The following TIAM1 variants were observed in gnomAD, a reference collection of about 807,000 sequenced individuals.
The protein encoded by TIAM1 is TIAM Rac1 associated GEF 1.
A neutral mutation model predicts 163.5 loss-of-function variants in TIAM1; 65 were observed. The ratio of observed to expected loss-of-function variants is 0.40; its 90% CI spans 0.33 to 0.49. The LOEUF (loss-of-function observed/expected upper bound fraction) is 0.49. TIAM1 is among the 20% of genes least tolerant of loss of function. TIAM1 has a pLI of 0.77. For synonymous variants in TIAM1, 833 were observed against 810.1 expected, an observed-to-expected ratio of 1.03 and a Z score of -0.48; for missense variants, 1,789 against 2,044.7, an observed-to-expected ratio of 0.87 and a Z score of 2.41.
chr21:31,151,933 T>C (rs1036161134), intron 19 of TIAM1, among the ~76,000 whole-genome samples: 2 of 152,076 alleles, frequency 1.3e-5, no homozygotes, highest in African/African-American at 2.4e-5. Context: ...GAAGATTGTC[T>C]TTCCCCTGGA....
chr21:31,184,466 G>C (rs73191665), intron 14 of TIAM1, among the ~76,000 whole-genome samples: 4 of 152,126 alleles, frequency 2.6e-5, no homozygotes, highest in Admixed American at 6.5e-5. Flanking sequence ...GCCAGGTGTT[G>C]GGATCGTGTT....
In TIAM1 at chr21:31,266,223, C is replaced by G. The variant is rs545520373; in HGVS notation, c.750G>C (p.Gly250=). The G allele has an allele frequency of 8.7e-6, 14 of 1,614,164 alleles. No homozygotes were observed. The African/African-American group carries it at 1.6e-4, about 18-fold the overall frequency. The part of the protein sequence containing the change: ...NSGVTANGGP[G]SKFAGYCRNL... ...TCCGACAGTAGCCTGCAAATTTGCT[C>G]CCCGGCCCCCCGTTTGCTGTCACTC... Residue 250 remains glycine, a synonymous_variant, in exon 4 of 28, where the codon GGG becomes GGC. Coordinates refer to ENST00000541036, the MANE Select transcript of TIAM1 (RefSeq NM_001353694.2).
chr21:31,345,310 A>C (rs531753298), upstream of TIAM1, among the ~76,000 whole-genome samples: 5 of 152,248 alleles, frequency 3.3e-5, no homozygotes, highest in East Asian at 9.6e-4. Context: ...GGCTACAAAA[A>C]TAAAAACCCA....
At chr21:31,403,803 A>C (rs1316340875) in intron 2 of TIAM1, among the ~76,000 whole-genome samples, 1 of 152,136 alleles carries the variant, frequency 6.6e-6, no homozygotes, top group Non-Finnish European at 1.5e-5. Context: ...CGAGGAGAAA[A>C]GTCAAAAAAT....
intron 2 of TIAM1, among the ~76,000 whole-genome samples, chr21:31,287,697 T>C (rs1306573110): frequency 2.6e-5 from 4 of 152,122 alleles, no homozygotes; most frequent in African/African-American, 9.7e-5. Flanking sequence ...AGCCCAATGT[T>C]GCAGTGAGGC....
intron 4 of TIAM1, among the ~76,000 whole-genome samples, chr21:31,262,510 C>T (rs1266026336): frequency 1.3e-5 from 2 of 152,190 alleles, no homozygotes; most frequent in African/African-American, 2.4e-5. Context: ...TTCTGCACAG[C>T]GCACATGTGG....
chr21:31,263,702 T>A (rs111345253), intron 4 of TIAM1, among the ~76,000 whole-genome samples: 1 of 152,030 alleles, frequency 6.6e-6, no homozygotes, highest in Non-Finnish European at 1.5e-5. Flanking sequence ...AAATCTTACA[T>A]AGCATATGCA....
intron 2 of TIAM1, among the ~76,000 whole-genome samples, chr21:31,299,002 TCAA>T (rs2074402763): frequency 6.6e-6 from 1 of 152,106 alleles, no homozygotes; most frequent in Admixed American, 6.5e-5. Context: ...GAACACAGGT[TCAA>T]CAACAATACT....
intron 2 of TIAM1, among the ~76,000 whole-genome samples, chr21:31,435,779 G>C (rs2044188886): frequency 6.6e-6 from 1 of 152,132 alleles, no homozygotes; most frequent in African/African-American, 2.4e-5. Flanking sequence ...TAGGTCAAGA[G>C]GGTTCTGCTC....
chr21:31,414,547 G>A (rs986906576), intron 2 of TIAM1, among the ~76,000 whole-genome samples: 1 of 152,066 alleles, frequency 6.6e-6, no homozygotes, highest in Non-Finnish European at 1.5e-5. Context: ...AAGCATCCCA[G>A]GTCAGCTGAG....
chr21:31,195,453 G>T, intron 12 of TIAM1, 148 bp from the exon 13 acceptor site: 3 of 603,310 alleles, frequency 5.0e-6, no homozygotes, highest in Non-Finnish European at 2.8e-6. Flanking sequence ...CTCATTAAAA[G>T]TAAAAAGTAA....
At chr21:31,240,367 C>T (rs950012808) in intron 6 of TIAM1, among the ~76,000 whole-genome samples, 8 of 152,308 alleles carry the variant, frequency 5.3e-5, no homozygotes, top group African/African-American at 1.9e-4. Context: ...TTATTAAAGA[C>T]AAATGGCTGA....
At chr21:31,324,076 A>C (rs1275920150) in intron 2 of TIAM1, among the ~76,000 whole-genome samples, 1 of 151,812 alleles carries the variant, frequency 6.6e-6, no homozygotes, top group Non-Finnish European at 1.5e-5. Flanking sequence ...TGGAGCACAG[A>C]GGATTTTAGG....
At chr21:31,450,450 C>T (rs989783369) in intron 2 of TIAM1, among the ~76,000 whole-genome samples, 2 of 152,280 alleles carry the variant, frequency 1.3e-5, no homozygotes, top group Middle Eastern at 3.4e-3. Flanking sequence ...ATCCGAGATT[C>T]TTCAAGGCAG....
At chr21:31,342,363 C>T (rs2076045612) in intron 1 of TIAM1, among the ~76,000 whole-genome samples, 1 of 151,472 alleles carries the variant, frequency 6.6e-6, no homozygotes, top group Non-Finnish European at 1.5e-5. Context: ...GGTGGGGAGA[C>T]AATATGAAAA....
At chr21:31,343,657 A>C (rs942801844) in intron 1 of TIAM1, among the ~76,000 whole-genome samples, 2 of 151,984 alleles carry the variant, frequency 1.3e-5, no homozygotes, top group Non-Finnish European at 2.9e-5. Context: ...ATTCCTTCGG[A>C]ACTTTTTTCT....
At chr21:31,389,464 C>T (rs990938489) in intron 2 of TIAM1, among the ~76,000 whole-genome samples, 1 of 152,184 alleles carries the variant, frequency 6.6e-6, no homozygotes, top group Non-Finnish European at 1.5e-5. Flanking sequence ...CTGCCTCGGC[C>T]TCCCAAAGTG....
chr21:31,196,204 C>A (rs1601504483), intron 12 of TIAM1, among the ~76,000 whole-genome samples: 2 of 152,044 alleles, frequency 1.3e-5, no homozygotes, highest in African/African-American at 4.8e-5. Context: ...AAACCAAAAC[C>A]ACAATGAGAT....
At chr21:31,334,940 C>T (rs1056788091) in intron 2 of TIAM1, among the ~76,000 whole-genome samples, 4 of 152,098 alleles carry the variant, frequency 2.6e-5, no homozygotes, top group Admixed American at 1.3e-4. Flanking sequence ...AACCACCCGA[C>T]CCCCAACCCA....
Sources: gnomAD v4.1 joint callset for allele counts (sites outside exome capture counted in the v4.1 genomes callset) on GRCh38, gnomAD v4.1.1 for gene constraint, MANE v1.5 for transcripts, NCBI Gene and HGNC (gene_info 2026-07-23, HGNC 2026-07-21) for gene names.